Variants in LARP4B observed in about 807,000 individuals in gnomAD.
LARP4B encodes la-related protein 4B.
In LARP4B, 12 loss-of-function variants were observed where a neutral mutation model predicts 89.8. The ratio of observed to expected loss-of-function variants is 0.13; its 90% CI spans 0.09 to 0.22. LARP4B has a LOEUF of 0.22. Among genes scored for constraint, LARP4B ranks in the 10% least tolerant of loss-of-function variants. LARP4B has a pLI of 1.00. For missense variants in LARP4B, 757 were observed against 947.7 expected, an observed-to-expected ratio of 0.80 and a Z score of 2.64; for synonymous variants, 367 against 363.3, an observed-to-expected ratio of 1.01 and a Z score of -0.12.
chr10:974,532 T>C, the LARP4B span, among the ~76,000 whole-genome samples: 1 of 152,188 alleles, frequency 6.6e-6, no homozygotes, highest in East Asian at 1.9e-4. Context: ...AAAGGCTCTC[T>C]TGAAGCCTTG....
intron 3 of LARP4B, 57 bp from the exon 4 acceptor site, chr10:864,327 A>G: frequency 1.3e-6 from 2 of 1,577,272 alleles, no homozygotes; most frequent in Non-Finnish European, 1.7e-6. Flanking sequence ...ATACAATTTT[A>G]CTCATTAATG....
At chr10:820,101 C>A (rs1416393980) in intron 14 of LARP4B, 2 of 151,626 alleles carry the variant, frequency 1.3e-5, no homozygotes, top group Non-Finnish European at 2.9e-5. Flanking sequence ...GTACTGCTAA[C>A]TGCCACCGTG....
chr10:988,255 T>C, the LARP4B span: 8 of 503,876 alleles, frequency 1.6e-5, no homozygotes, highest in Non-Finnish European at 2.8e-5. Context: ...GGGCGTCCTC[T>C]CCTCTGTACC....
Position 887,124 on chromosome 10 carries a change from CA to C in LARP4B, c.-39-1365del, listed in dbSNP as rs563148198. On this transcript the variant is annotated intron_variant, in intron 1 of 17. Coordinates refer to ENST00000316157, the MANE Select transcript of LARP4B (RefSeq NM_015155.3). ...CACACACACACAAAATGGTGACTAC[CA>C]GGGGGCTAGCAGGTAGGGAGGAAAT... Among the ~76,000 whole-genome samples, 272 of 152,042 alleles carry C rather than the reference CA, an allele frequency of 1.8e-3. 4 individuals carry two copies. Among genetic ancestry groups the C allele is most frequent in the Admixed American group, 0.016 (242 of 15,264 alleles).
rs2131582339 is a variant in LARP4B at position 810,754 on chromosome 10, A to T, written c.*2172T>A. 6.7e-6 allele frequency: 1 copy of T among 149,874 alleles called. No homozygotes were observed. The highest frequency in any genetic ancestry group is 2.1e-4 in the South Asian group (1 of 4,728). The allele number at this position is 149,874 out of a possible 1,614,324, so 9.3% of individuals were successfully genotyped here. A position where few individuals can be genotyped will look rare whatever the true frequency, so the allele number is the denominator to read the frequency against. On this transcript the variant is annotated 3_prime_UTR_variant, in exon 18 of 18. Transcript: ENST00000316157. ...GCCTCCCAGCTTTCTGAGTATTGAGAGTTTGGGTTTCACAGATCAATTATT... is the reference window on the plus strand; with the variant it reads ...GCCTCCCAGCTTTCTGAGTATTGAGTGTTTGGGTTTCACAGATCAATTATT...
intron 5 of LARP4B, among the ~76,000 whole-genome samples, chr10:856,668 G>C (rs1022266498): frequency 6.6e-6 from 1 of 152,182 alleles, no homozygotes; most frequent in Admixed American, 6.5e-5. Flanking sequence ...AGGGGTTCCT[G>C]CACTTTTGTG....
the LARP4B span, among the ~76,000 whole-genome samples, chr10:940,743 G>A: frequency 6.6e-6 from 1 of 152,228 alleles, no homozygotes; most frequent in East Asian, 1.9e-4. Flanking sequence ...GGGAGCGCAG[G>A]AGAGGTGTGA....
chr10:911,457 C>T (rs1836662898), intron 1 of LARP4B, among the ~76,000 whole-genome samples: 1 of 152,136 alleles, frequency 6.6e-6, no homozygotes, highest in African/African-American at 2.4e-5. Flanking sequence ...TCCCTGTTTG[C>T]TTCCTGTCTT....
intron 3 of LARP4B, among the ~76,000 whole-genome samples, chr10:869,707 C>T (rs578098811): frequency 6.6e-6 from 1 of 151,840 alleles, no homozygotes; most frequent in East Asian, 1.9e-4. Context: ...GCCAACATGG[C>T]GAAATCCCAT....
chr10:924,016 T>C (rs190982895), intron 1 of LARP4B, among the ~76,000 whole-genome samples: 387 of 152,266 alleles, frequency 2.5e-3, no homozygotes, highest in African/African-American at 4.3e-3. Context: ...CTGGGACTGC[T>C]TGAACCCAGG....
chr10:865,947 C>A (rs1391511923), intron 3 of LARP4B, among the ~76,000 whole-genome samples: 1 of 152,140 alleles, frequency 6.6e-6, no homozygotes, highest in Non-Finnish European at 1.5e-5. Context: ...GCCCAGAACA[C>A]AGGAGAAGGG....
At chr10:846,110 T>G (rs1833766130) in intron 5 of LARP4B, among the ~76,000 whole-genome samples, 1 of 152,218 alleles carries the variant, frequency 6.6e-6, no homozygotes, top group Non-Finnish European at 1.5e-5. Flanking sequence ...AAACACAACC[T>G]GATGCCACTG....
At position 883,785 on chromosome 10, in the gene LARP4B, C is replaced by A. The variant is rs776906673; in HGVS notation, c.141+662G>T. Among the ~76,000 whole-genome samples the A allele has an allele frequency of 6.7e-4, 72 of 107,116 alleles. 1 individual carries two copies. Among genetic ancestry groups the A allele is most frequent in the Middle Eastern group, 7.8e-3 (2 of 258 alleles). 70.3% of individuals were successfully genotyped at this position (107,116 alleles called of 152,430 possible). On this transcript the variant is annotated intron_variant, in intron 3 of 17. Transcript: ENST00000316157. ...CCTCGTCTCTATTTGAAAAAAAAAA[C>A]AATTGGATTAACAATCCAACTCCTC...
intron 5 of LARP4B, among the ~76,000 whole-genome samples, chr10:861,335 T>A (rs1467382243): frequency 2.0e-5 from 3 of 152,166 alleles, no homozygotes; most frequent in Non-Finnish European, 4.4e-5. Context: ...TAATAATGTA[T>A]TATTTCCTCA....
At chr10:896,503 TTACAAAACA>T (rs1241366051) in intron 1 of LARP4B, among the ~76,000 whole-genome samples, 1 of 152,160 alleles carries the variant, frequency 6.6e-6, no homozygotes, top group Non-Finnish European at 1.5e-5. Flanking sequence ...TTAAAGAGAT[TTACAAAACA>T]TGAAAAAACA....
the LARP4B span, among the ~76,000 whole-genome samples, chr10:947,122 A>C: frequency 6.6e-6 from 1 of 152,146 alleles, no homozygotes; most frequent in Non-Finnish European, 1.5e-5. Flanking sequence ...CACCCACCTC[A>C]GTCTCCCAAA....
intron 15 of LARP4B, among the ~76,000 whole-genome samples, chr10:817,482 C>T (rs150185532): frequency 2.0e-5 from 3 of 152,246 alleles, no homozygotes; most frequent in East Asian, 1.9e-4. Context: ...AGGGTGTGTA[C>T]GGCACATCAT....
Position 817,812 on chromosome 10 carries a change from T to G in LARP4B, c.1608A>C (p.Pro536=), listed in dbSNP as rs142903280. ...TCAAATTGCCGGCAGCTCCAGGTAA[T>G]GGAGGGAAGCTGGACAGCCCCAGCT... The part of the protein sequence containing the change: ...SFELGLSSFP[P]LPGAAGNLKT... Residue 536 remains proline (P), a synonymous_variant, in exon 15 of 18, where the codon CCA becomes CCC. Coordinates refer to ENST00000316157, the MANE Select transcript of LARP4B (RefSeq NM_015155.3). The G allele has an allele frequency of 3.0e-4, 492 of 1,614,156 alleles. 2 individuals are homozygous for G. Among genetic ancestry groups the G allele is most frequent in the Non-Finnish European group, 2.2e-5 (26 of 1,180,022 alleles).
the LARP4B span, chr10:971,796 T>C: frequency 2.0e-5 from 3 of 152,532 alleles, no homozygotes; most frequent in Non-Finnish European, 4.4e-5. Flanking sequence ...ACGCAGGGTG[T>C]GTGAAGATAG....
Sources: allele counts gnomAD v4.1 joint callset (sites outside exome capture counted in the v4.1 genomes callset), GRCh38; gene constraint gnomAD v4.1.1; transcripts MANE v1.5; gene names NCBI Gene and HGNC (gene_info 2026-07-23, HGNC 2026-07-21).